Variants in ROBO2 observed in about 807,000 individuals in gnomAD.
ROBO2 encodes the protein roundabout guidance receptor 2, also known as roundabout homolog 2.
ROBO2 carries 53 observed loss-of-function variants against 160.8 expected under a neutral mutation model. That is an observed-to-expected ratio of 0.33 (90% CI 0.26 to 0.41). The LOEUF (loss-of-function observed/expected upper bound fraction) is 0.41. Among genes scored for constraint, ROBO2 ranks in the 10% least tolerant of loss-of-function variants. The pLI is 1.00. For synonymous variants in ROBO2, 664 were observed against 611.7 expected (o/e 1.09, Z -1.26); for missense variants, 1,577 against 1,722.4 (o/e 0.92, Z 1.49).
chr3:76,964,585 T>C (rs937838426), intron 2 of ROBO2, among the ~76,000 whole-genome samples: 3 of 152,178 alleles, frequency 2.0e-5, no homozygotes, highest in Admixed American at 6.6e-5. Context: ...CCTCAGGTGA[T>C]CCACCCTCCT....
intron 2 of ROBO2, among the ~76,000 whole-genome samples, chr3:76,742,667 T>C (rs2093821250): frequency 6.6e-6 from 1 of 152,104 alleles, no homozygotes. Context: ...CACATCACAT[T>C]AGTGTTATCT....
At chr3:76,998,684 C>A (rs1248158934) in intron 2 of ROBO2, among the ~76,000 whole-genome samples, 1 of 152,098 alleles carries the variant, frequency 6.6e-6, no homozygotes, top group African/African-American at 2.4e-5. Context: ...CCCTTCACAT[C>A]GTGATATTCT....
At chr3:75,937,841 T>TTATATATATATATA (rs1158457510) in intron 2 of ROBO2, among the ~76,000 whole-genome samples, 2,346 of 105,186 alleles carry the variant, frequency 0.022, 33 homozygotes, top group African/African-American at 0.027. Flanking sequence ...GGAATTGATT[T>TTATATATATATATA]TATATATATA....
At chr3:77,266,149 T>A (rs1295867398) in intron 2 of ROBO2, among the ~76,000 whole-genome samples, 1 of 152,090 alleles carries the variant, frequency 6.6e-6, no homozygotes, top group African/African-American at 2.4e-5. Flanking sequence ...AGGATTTTTT[T>A]TAAAAAACTT....
chr3:77,081,804 C>T (rs1177703620), intron 1 of ROBO2, among the ~76,000 whole-genome samples: 1 of 152,180 alleles, frequency 6.6e-6, no homozygotes, highest in African/African-American at 2.4e-5. Flanking sequence ...ATGGCTGTTC[C>T]TTATTCAGGC....
chr3:76,713,170 CT>C (rs1394066887), intron 2 of ROBO2, among the ~76,000 whole-genome samples: 1 of 152,140 alleles, frequency 6.6e-6, no homozygotes, highest in African/African-American at 2.4e-5. Context: ...TGGTAAAGTG[CT>C]TTATTGCAAT....
In ROBO2 at chr3:76,290,917, C is replaced by T. The variant is rs532889507; in HGVS notation, c.109+353315C>T. ...TTCATGTGCAGCTGGATTCAGTTTGCTAGTATTTAGTTGAGGATTTTTGCA... is the reference window on the plus strand; with the variant it reads ...TTCATGTGCAGCTGGATTCAGTTTGTTAGTATTTAGTTGAGGATTTTTGCA... On this transcript the variant is annotated intron_variant, in intron 2 of 26. Coordinates refer to the ROBO2 transcript ENST00000487694. Among the ~76,000 whole-genome samples the T allele has an allele frequency of 2.6e-4, 39 of 152,200 alleles. 1 individual carries two copies. Among genetic ancestry groups the T allele is most frequent in the Admixed American group, 9.8e-4 (15 of 15,282 alleles).
intron 2 of ROBO2, among the ~76,000 whole-genome samples, chr3:76,401,218 C>G (rs1297739948): frequency 2.0e-5 from 3 of 151,438 alleles, no homozygotes; most frequent in Admixed American, 6.6e-5. Flanking sequence ...AAAAATGTAA[C>G]TTTATCTTGT....
At chr3:77,240,275 G>A (rs1188237296) in intron 2 of ROBO2, among the ~76,000 whole-genome samples, 4 of 152,150 alleles carry the variant, frequency 2.6e-5, no homozygotes, top group South Asian at 4.1e-4. Context: ...AGTGTGGCGC[G>A]GGTGGGCTGG....
intron 2 of ROBO2, among the ~76,000 whole-genome samples, chr3:77,388,649 T>G (rs774970247): frequency 2.0e-5 from 3 of 152,196 alleles, no homozygotes; most frequent in Non-Finnish European, 4.4e-5. Context: ...CATGATATTT[T>G]TATGACTTCT....
At chr3:77,598,268 A>T (rs1559695146) in intron 19 of ROBO2, among the ~76,000 whole-genome samples, 1 of 151,770 alleles carries the variant, frequency 6.6e-6, no homozygotes, top group South Asian at 2.1e-4. Context: ...ACTATGTTTG[A>T]CTATATTTGA....
chr3:77,522,998 G>A, intron 6 of ROBO2, 96 bp downstream of exon 6: 2 of 1,451,962 alleles, frequency 1.4e-6, no homozygotes, highest in Non-Finnish European at 1.9e-6. Flanking sequence ...GAATTATGCT[G>A]TTTTGTTGTA....
chr3:77,099,738 G>T (rs2071644123), intron 2 of ROBO2, among the ~76,000 whole-genome samples: 1 of 151,818 alleles, frequency 6.6e-6, no homozygotes, highest in African/African-American at 2.4e-5. Context: ...TCCCCCAACA[G>T]ACCCTTTTAT....
At chr3:77,208,140 G>A (rs189522650) in intron 2 of ROBO2, among the ~76,000 whole-genome samples, 4 of 152,296 alleles carry the variant, frequency 2.6e-5, no homozygotes, top group Admixed American at 2.0e-4. Context: ...TCTGCCTAGT[G>A]TGAGCAGATT....
intron 2 of ROBO2, among the ~76,000 whole-genome samples, chr3:77,241,939 T>C (rs2089107036): frequency 6.6e-6 from 1 of 152,196 alleles, no homozygotes; most frequent in Non-Finnish European, 1.5e-5. Context: ...TCTGTATTAT[T>C]AACAGGTCTG....
In ROBO2 at chr3:76,596,124, G is replaced by C. The variant is rs115107528; in HGVS notation, c.110-501890G>C. On this transcript the variant is annotated intron_variant, in intron 2 of 26. Transcript: ENST00000487694. ...AGAAAGCAATAAAGCCCTGTTGTAA[G>C]TAGTGTTTATATAGAGAAGGCAACT... Among the ~76,000 whole-genome samples the C allele has an allele frequency of 3.8e-3, 576 of 152,204 alleles. 3 individuals are homozygous for C. The highest frequency in any genetic ancestry group is 0.013 in the African/African-American group (535 of 41,550).
chr3:76,876,331 A>G (rs1215994556), intron 2 of ROBO2, among the ~76,000 whole-genome samples: 1 of 152,322 alleles, frequency 6.6e-6, no homozygotes, highest in Non-Finnish European at 1.5e-5. Flanking sequence ...ATCTGTTCCA[A>G]TTATTAGACA....
chr3:76,179,153 A>G (rs1468655520), intron 2 of ROBO2, among the ~76,000 whole-genome samples: 1 of 152,138 alleles, frequency 6.6e-6, no homozygotes, highest in Non-Finnish European at 1.5e-5. Flanking sequence ...CTCATTAATA[A>G]TTAATAATGA....
intron 2 of ROBO2, among the ~76,000 whole-genome samples, chr3:76,769,300 C>A (rs1382891256): frequency 6.6e-6 from 1 of 151,332 alleles, no homozygotes; most frequent in Non-Finnish European, 1.5e-5. Flanking sequence ...AATTCATATT[C>A]TGATTAAGTA....
Sources: allele counts gnomAD v4.1 joint callset (sites outside exome capture counted in the v4.1 genomes callset), GRCh38; gene constraint gnomAD v4.1.1; transcripts MANE v1.5; gene names NCBI Gene and HGNC (gene_info 2026-07-23, HGNC 2026-07-21).